XKR4: variants seen among roughly 807,000 people sequenced by gnomAD.
The protein encoded by XKR4 is XK related 4.
Under a neutral mutation model 53.9 loss-of-function variants are expected in XKR4, and 12 were observed. The ratio of observed to expected loss-of-function variants is 0.22; its 90% CI spans 0.14 to 0.36. XKR4 has a LOEUF of 0.36. Ranked by LOEUF, XKR4 falls within the 10% of genes least tolerant of loss-of-function variation. XKR4 has a pLI of 1.00. For synonymous variants in XKR4, 354 were observed against 362.4 expected, an observed-to-expected ratio of 0.98 and a Z score of 0.26; for missense variants, 799 against 859.5, an observed-to-expected ratio of 0.93 and a Z score of 0.88.
intron 1 of XKR4, among the ~76,000 whole-genome samples, chr8:55,214,735 G>C (rs1359938489): frequency 1.3e-5 from 2 of 152,142 alleles, no homozygotes; most frequent in Non-Finnish European, 2.9e-5. Context: ...AAAGTCCCCT[G>C]TTTACCTGTG....
intron 1 of XKR4, among the ~76,000 whole-genome samples, chr8:55,234,852 T>C (rs1185556236): frequency 3.3e-5 from 5 of 152,156 alleles, no homozygotes; most frequent in Admixed American, 2.6e-4. Flanking sequence ...CCTATGGCTG[T>C]GGAGGCTTCA....
intron 2 of XKR4, among the ~76,000 whole-genome samples, chr8:55,360,540 A>C (rs1370249691): frequency 6.6e-6 from 1 of 152,272 alleles, no homozygotes; most frequent in African/African-American, 2.4e-5. Context: ...GCCCTCTGCT[A>C]TGAATGTAAA....
intron 2 of XKR4, among the ~76,000 whole-genome samples, chr8:55,425,651 A>C (rs930491831): frequency 6.6e-6 from 1 of 152,026 alleles, no homozygotes; most frequent in Non-Finnish European, 1.5e-5. Flanking sequence ...TCCGTTACCC[A>C]CGTGAGAAAC....
At chr8:55,203,285 A>T (rs528066925) in intron 1 of XKR4, among the ~76,000 whole-genome samples, 1 of 152,202 alleles carries the variant, frequency 6.6e-6, no homozygotes, top group African/African-American at 2.4e-5. Context: ...CCAGTCCCCA[A>T]CTGCATCTTC....
At chr8:55,462,603 G>A (rs1805679954) in intron 2 of XKR4, among the ~76,000 whole-genome samples, 1 of 152,048 alleles carries the variant, frequency 6.6e-6, no homozygotes, top group East Asian at 1.9e-4. Flanking sequence ...CATAATGACG[G>A]GATCAAATTC....
At chr8:55,394,408 C>T (rs1804486876) in intron 2 of XKR4, among the ~76,000 whole-genome samples, 1 of 152,072 alleles carries the variant, frequency 6.6e-6, no homozygotes, top group Non-Finnish European at 1.5e-5. Flanking sequence ...AAGAGCCAAA[C>T]CTCATAGAGC....
chr8:55,353,740 T>G (rs1803759615), intron 1 of XKR4, among the ~76,000 whole-genome samples: 3 of 152,196 alleles, frequency 2.0e-5, no homozygotes, highest in South Asian at 4.1e-4. Context: ...CCAGGGCTAT[T>G]CCAAGCATAA....
intron 1 of XKR4, among the ~76,000 whole-genome samples, chr8:55,126,102 A>T (rs1040146353): frequency 6.6e-6 from 1 of 152,206 alleles, no homozygotes; most frequent in African/African-American, 2.4e-5. Flanking sequence ...CTACAGAAAT[A>T]AATTAATTAA....
chr8:55,331,692 A>C (rs1306616931), intron 1 of XKR4, among the ~76,000 whole-genome samples: 6 of 152,182 alleles, frequency 3.9e-5, no homozygotes, highest in African/African-American at 1.2e-4. Flanking sequence ...TCATTACATA[A>C]GGTCCTTTTC....
At chr8:55,180,780 G>A (rs112963402) in intron 1 of XKR4, among the ~76,000 whole-genome samples, 9 of 152,204 alleles carry the variant, frequency 5.9e-5, no homozygotes, top group East Asian at 5.8e-4. Context: ...TGTTCCACCC[G>A]CCTTGGCCTC....
intron 2 of XKR4, among the ~76,000 whole-genome samples, chr8:55,362,513 A>G (rs908068582): frequency 1.3e-5 from 2 of 152,170 alleles, no homozygotes; most frequent in African/African-American, 4.8e-5. Context: ...TTTAAGCCTG[A>G]AATGGTGGAG....
rs71256534 is a variant in XKR4, at chr8:55,396,399, G to GTTTTTTTTTTTTT, written c.1006+38529_1006+38541dup. 2.1e-3 allele frequency among the ~76,000 whole-genome samples: 189 copies of GTTTTTTTTTTTTT among 88,744 alleles called. 22 individuals are homozygous for GTTTTTTTTTTTTT. Among genetic ancestry groups the GTTTTTTTTTTTTT allele is most frequent in the African/African-American group, 8.6e-3 (175 of 20,328 alleles). The allele number at this position is 88,744 out of a possible 152,430, so 58.2% of individuals were successfully genotyped here. A position where few individuals can be genotyped will look rare whatever the true frequency, so the allele number is the denominator to read the frequency against. On this transcript the variant is annotated intron_variant, in intron 2 of 2. Transcript: ENST00000327381. Reference sequence around the variant, plus strand: ...TTTTTTTGTGTTTTTTTTTTGTTTGGTTTTTTTTTTTTTTTTTTTGCAGAG... The same window carrying GTTTTTTTTTTTTT: ...TTTTTTTGTGTTTTTTTTTTGTTTGGTTTTTTTTTTTTTTTTTTTTTTTTTTTTTTTTGCAGAG...
intron 2 of XKR4, among the ~76,000 whole-genome samples, chr8:55,362,074 A>G (rs1803916220): frequency 1.3e-5 from 2 of 152,108 alleles, no homozygotes; most frequent in South Asian, 4.2e-4. Flanking sequence ...AATTCATAGG[A>G]TTGTAGAGAT....
At chr8:55,438,464 C>A (rs1805210999) in intron 2 of XKR4, among the ~76,000 whole-genome samples, 1 of 151,466 alleles carries the variant, frequency 6.6e-6, no homozygotes, top group African/African-American at 2.4e-5. Flanking sequence ...GTGGTGAGCA[C>A]CTGTAATCCC....
At chr8:55,231,553 C>T (rs973659491) in intron 1 of XKR4, among the ~76,000 whole-genome samples, 2 of 152,174 alleles carry the variant, frequency 1.3e-5, no homozygotes, top group Admixed American at 6.5e-5. Context: ...CTGCCCCATC[C>T]TTCCCACACA....
Position 55,486,711 on chromosome 8 carries a change from G to A in XKR4, c.1007-36570G>A, listed in dbSNP as rs116259384. Among the ~76,000 whole-genome samples, 674 of 152,304 alleles carry A rather than the reference G, an allele frequency of 4.4e-3. 4 individuals carry two copies. Among genetic ancestry groups the A allele is most frequent in the African/African-American group, 0.015 (642 of 41,572 alleles). The stretch of plus-strand genomic sequence containing the variant: ...TGGTTGGGGCCTACAAATTTTGTAG[G>A]TATATGCTACCCATTTGAAAGTCTG... On this transcript the variant is annotated intron_variant, in intron 2 of 2. Transcript: ENST00000327381.
At chr8:55,400,254 C>T (rs1464121064) in intron 2 of XKR4, among the ~76,000 whole-genome samples, 1 of 152,182 alleles carries the variant, frequency 6.6e-6, no homozygotes, top group Admixed American at 6.5e-5. Flanking sequence ...ATGGGTGCCA[C>T]TCCTAAGATT....
At chr8:55,315,165 T>C (rs1819452956) in intron 1 of XKR4, among the ~76,000 whole-genome samples, 1 of 152,214 alleles carries the variant, frequency 6.6e-6, no homozygotes, top group Admixed American at 6.5e-5. Context: ...AAATGACAGA[T>C]ACTAATTTTA....
intron 2 of XKR4, among the ~76,000 whole-genome samples, chr8:55,516,829 T>C (rs905847784): frequency 2.6e-5 from 4 of 152,222 alleles, no homozygotes; most frequent in African/African-American, 9.6e-5. Flanking sequence ...ACTTGTATGT[T>C]GATCGTGGCA....
Sources: allele counts gnomAD v4.1 joint callset (sites outside exome capture counted in the v4.1 genomes callset), GRCh38; gene constraint gnomAD v4.1.1; transcripts MANE v1.5; gene names NCBI Gene and HGNC (gene_info 2026-07-23, HGNC 2026-07-21).